The following RUNX1T1 variants were observed in gnomAD, a reference collection of about 807,000 sequenced individuals.
RUNX1T1 encodes protein CBFA2T1.
In RUNX1T1, 4 loss-of-function variants were observed where a neutral mutation model predicts 62.8. The ratio of observed to expected loss-of-function variants is 0.06; its 90% CI spans 0.03 to 0.15. The LOEUF (loss-of-function observed/expected upper bound fraction) is 0.15. Among genes scored for constraint, RUNX1T1 ranks in the 10% least tolerant of loss-of-function variants. RUNX1T1 has a pLI of 1.00. For missense variants in RUNX1T1, 508 were observed against 754.3 expected, an observed-to-expected ratio of 0.67 and a Z score of 3.82; for synonymous variants, 291 against 286.0, an observed-to-expected ratio of 1.02 and a Z score of -0.18.
chr8:91,979,584 T>C (rs968339624), intron 8 of RUNX1T1, among the ~76,000 whole-genome samples: 1 of 151,392 alleles, frequency 6.6e-6, no homozygotes, highest in African/African-American at 2.4e-5. Context: ...CTAGCTTGCT[T>C]TGGGATGCAA....
intron 10 of RUNX1T1, among the ~76,000 whole-genome samples, chr8:91,962,598 C>T (rs1295842179): frequency 2.6e-5 from 4 of 152,242 alleles, no homozygotes; most frequent in African/African-American, 4.8e-5. Flanking sequence ...TCCACAAAGA[C>T]GTGAGCAAAC....
At chr8:92,054,464 T>G (rs1398388750) in intron 1 of RUNX1T1, among the ~76,000 whole-genome samples, 1 of 152,202 alleles carries the variant, frequency 6.6e-6, no homozygotes, top group Non-Finnish European at 1.5e-5. Context: ...AACCTCTTTA[T>G]ACAGGTACAC....
rs374657118 is a variant in RUNX1T1 at position 92,048,536 on chromosome 8, T to C, written c.7+14010A>G. Among the ~76,000 whole-genome samples the C allele has an allele frequency of 2.6e-5, 4 of 152,028 alleles. No individual in the cohort carries two copies. The East Asian group carries it at 7.8e-4, about 29-fold the overall frequency. On this transcript the variant is annotated intron_variant, in intron 1 of 10. Coordinates refer to ENST00000396218, the Ensembl canonical transcript of RUNX1T1. ...TCTCTTTTTAAAAAATTTTTAAATA[T>C]ATAGTACAACATCTGTTTTAAAGTT...
chr8:92,010,842 TCA>T, intron 4 of RUNX1T1, 158 bp downstream of exon 5: 1 of 488,934 alleles, frequency 2.0e-6, no homozygotes, highest in Non-Finnish European at 3.7e-6. Context: ...CTTGTAATTT[TCA>T]GACTACTTAG....
intron 1 of RUNX1T1, among the ~76,000 whole-genome samples, chr8:92,057,349 A>G (rs2130508691): frequency 6.6e-6 from 1 of 152,346 alleles, no homozygotes; most frequent in Non-Finnish European, 1.5e-5. Context: ...TTCAAAGTCC[A>G]GGGAATCCCA....
chr8:92,062,977 C>G (rs1006846241), upstream of RUNX1T1: 11 of 1,214,474 alleles, frequency 9.1e-6, no homozygotes, highest in Non-Finnish European at 1.1e-5. Flanking sequence ...CCACCCCCAT[C>G]CTGTTCAAGG....
At chr8:91,981,404 C>CT (rs67366711) in intron 8 of RUNX1T1, among the ~76,000 whole-genome samples, 1,421 of 63,870 alleles carry the variant, frequency 0.022, 463 homozygotes, top group East Asian at 0.059. Context: ...AGTTACTAAG[C>CT]TTTTTTTTTT....
intron 1 of RUNX1T1, among the ~76,000 whole-genome samples, chr8:92,097,218 C>T (rs11988362): frequency 2.4e-3 from 366 of 152,200 alleles, no homozygotes; most frequent in African/African-American, 8.4e-3. Context: ...CTCCATAAAT[C>T]TTCAAAAAGT....
At chr8:92,014,763 T>A in exon 3 of RUNX1T1, 3 of 1,613,702 alleles carry the variant, frequency 1.9e-6, no homozygotes, top group Non-Finnish European at 2.5e-6. Flanking sequence ...GCTGAAGCCA[T>A]TGGGTGGTGA....
chr8:92,099,285 T>G (rs1837933916), intron 1 of RUNX1T1, among the ~76,000 whole-genome samples: 1 of 152,238 alleles, frequency 6.6e-6, no homozygotes, highest in African/African-American at 2.4e-5. Flanking sequence ...TAACTTAGTT[T>G]TATGCATTTA....
intron 1 of RUNX1T1, chr8:92,095,534 C>A: frequency 6.7e-7 from 1 of 1,487,604 alleles, no homozygotes; most frequent in Non-Finnish European, 8.9e-7. Context: ...AGGGTGATTA[C>A]AATATCAGCA....
intron 1 of RUNX1T1, among the ~76,000 whole-genome samples, chr8:92,027,106 AC>A (rs1469977456): frequency 7.1e-6 from 1 of 140,742 alleles, no homozygotes; most frequent in African/African-American, 2.6e-5. Context: ...ACAGAGCGAA[AC>A]TCCGTCTCAA....
At chr8:91,966,912 C>A (rs1811753084) in intron 10 of RUNX1T1, among the ~76,000 whole-genome samples, 1 of 151,974 alleles carries the variant, frequency 6.6e-6, no homozygotes, top group Non-Finnish European at 1.5e-5. Context: ...ATACAGTACA[C>A]AATTAGGAAA....
chr8:92,015,530 G>T (rs949798630), intron 2 of RUNX1T1, among the ~76,000 whole-genome samples: 1 of 152,126 alleles, frequency 6.6e-6, no homozygotes, highest in African/African-American at 2.4e-5. Flanking sequence ...GATAAAATTT[G>T]TTTGAACATC....
upstream of RUNX1T1, among the ~76,000 whole-genome samples, chr8:92,066,217 C>T (rs762822006): frequency 2.0e-5 from 3 of 152,152 alleles, no homozygotes; most frequent in Non-Finnish European, 4.4e-5. Flanking sequence ...GATGAATGGT[C>T]ATTAAGACCC....
Position 91,991,790 on chromosome 8 carries a change from G to A in RUNX1T1, c.759C>T (p.Asn253=), listed in dbSNP as rs73306020. ...GGCCATTGGGCTGGTAGGATAAGCC[G>A]TTATTTGGACTGTACCGCTGGCCTG... Residue 253 remains asparagine (N), a synonymous_variant, in exon 6 of 11, where the codon AAC becomes AAT. Transcript: ENST00000396218. The A allele has an allele frequency of 3.7e-4, 605 of 1,614,118 alleles. 5 individuals carry two copies. The African/African-American group carries it at 7.0e-3, about 19-fold the overall frequency.
At chr8:92,027,528 A>T (rs1228897538) in intron 1 of RUNX1T1, among the ~76,000 whole-genome samples, 1 of 152,192 alleles carries the variant, frequency 6.6e-6, no homozygotes, top group East Asian at 1.9e-4. Context: ...ACATTTGATG[A>T]TGATGAGATA....
intron 8 of RUNX1T1, among the ~76,000 whole-genome samples, chr8:91,978,457 T>C (rs1274240355): frequency 6.6e-6 from 1 of 152,220 alleles, no homozygotes; most frequent in Non-Finnish European, 1.5e-5. Context: ...TAAGAATGGC[T>C]ATATAATTAT....
At chr8:92,015,049 A>C (rs1822724236) in intron 2 of RUNX1T1, among the ~76,000 whole-genome samples, 1 of 152,194 alleles carries the variant, frequency 6.6e-6, no homozygotes, top group Non-Finnish European at 1.5e-5. Flanking sequence ...AGAGGCTGAC[A>C]ATAAATGGAG....
Sources: allele counts gnomAD v4.1 joint callset (sites outside exome capture counted in the v4.1 genomes callset), GRCh38; gene constraint gnomAD v4.1.1; transcripts MANE v1.5; gene names NCBI Gene and HGNC (gene_info 2026-07-23, HGNC 2026-07-21).